The following KAZN variants were observed in gnomAD, a reference collection of about 807,000 sequenced individuals.
The protein encoded by KAZN is kazrin.
In KAZN, 40 loss-of-function variants were observed where a neutral mutation model predicts 87.4. The observed-to-expected ratio is 0.46, with a 90% CI of 0.36 to 0.60. KAZN has a LOEUF of 0.60. Ranked by LOEUF, KAZN falls within the 20% of genes least tolerant of loss-of-function variation. KAZN has a pLI of 0.00. For missense variants in KAZN, 898 were observed against 1,073.9 expected, an observed-to-expected ratio of 0.84 and a Z score of 2.29; for synonymous variants, 466 against 458.3, an observed-to-expected ratio of 1.02 and a Z score of -0.22.
intron 2 of KAZN, among the ~76,000 whole-genome samples, chr1:14,378,449 G>A (rs540769460): frequency 6.6e-6 from 1 of 152,300 alleles, no homozygotes; most frequent in South Asian, 2.1e-4. Context: ...CCCAGTTCCT[G>A]GTTTTAACTT....
intron 2 of KAZN, among the ~76,000 whole-genome samples, chr1:14,501,093 A>G (rs1670218253): frequency 2.8e-5 from 2 of 70,918 alleles, no homozygotes; most frequent in Admixed American, 1.2e-4. Flanking sequence ...ATAAATAAAT[A>G]AATAAATAAA....
At position 14,989,273 on chromosome 1, in the gene KAZN, C is replaced by T. The variant is rs561687670; in HGVS notation, c.418+28398C>T. Among the ~76,000 whole-genome samples, 7 of 152,264 alleles carry T rather than the reference C, an allele frequency of 4.6e-5. No homozygotes were observed. The South Asian group carries it at 6.2e-4, about 14-fold the overall frequency. ...GGTGGATCACTTGAGGTCAGGAGTT[C>T]GAGACCAGCCAGGCCAACATGGTGA... On this transcript the variant is annotated intron_variant, in intron 2 of 14. Coordinates refer to ENST00000376030, the MANE Select transcript of KAZN (RefSeq NM_201628.3).
At chr1:15,067,150 C>T (rs1277356064) in intron 8 of KAZN, 12 of 985,534 alleles carry the variant, frequency 1.2e-5, no homozygotes, top group Non-Finnish European at 1.4e-5. Flanking sequence ...GTGGGCCAGG[C>T]AGGTGTTGTT....
chr1:14,838,128 G>A (rs766525238), intron 1 of KAZN, among the ~76,000 whole-genome samples: 4 of 152,176 alleles, frequency 2.6e-5, no homozygotes, highest in East Asian at 1.9e-4. Context: ...CCTTGGGGCT[G>A]TACCCTCCGG....
intron 1 of KAZN, among the ~76,000 whole-genome samples, chr1:14,779,022 G>A (rs79504701): frequency 1.3e-3 from 198 of 152,226 alleles, no homozygotes; most frequent in Middle Eastern, 3.4e-3. Flanking sequence ...CTCCTTTTTC[G>A]TGAATCTGAA....
chr1:13,956,435 C>T (rs931757079), intron 1 of KAZN, among the ~76,000 whole-genome samples: 1 of 151,152 alleles, frequency 6.6e-6, no homozygotes, highest in African/African-American at 2.4e-5. Context: ...ATCTTTAATT[C>T]CTGCCTGTTC....
chr1:14,584,127 C>G (rs1452721640), intron 2 of KAZN, among the ~76,000 whole-genome samples: 1 of 152,192 alleles, frequency 6.6e-6, no homozygotes, highest in Non-Finnish European at 1.5e-5. Flanking sequence ...ACAAGTGCTC[C>G]TCCCCACTCC....
intron 1 of KAZN, among the ~76,000 whole-genome samples, chr1:14,029,750 G>A (rs1271916593): frequency 2.6e-5 from 4 of 151,220 alleles, no homozygotes; most frequent in Non-Finnish European, 5.9e-5. Context: ...CCCATTGCTT[G>A]TTTTTCTCAG....
chr1:15,101,964 A>G (rs952313873), intron 11 of KAZN, among the ~76,000 whole-genome samples, 190 bp downstream of exon 11: 1 of 152,166 alleles, frequency 6.6e-6, no homozygotes, highest in Non-Finnish European at 1.5e-5. Context: ...TCATCCAGCC[A>G]GCCAGCCAGT....
chr1:14,675,624 T>C (rs1200269033), intron 1 of KAZN, among the ~76,000 whole-genome samples: 1 of 152,154 alleles, frequency 6.6e-6, no homozygotes, highest in Non-Finnish European at 1.5e-5. Context: ...TTTTTTGGCA[T>C]GCCTATTACC....
At chr1:14,032,995 T>C (rs1382658422) in intron 1 of KAZN, among the ~76,000 whole-genome samples, 1 of 152,174 alleles carries the variant, frequency 6.6e-6, no homozygotes, top group Non-Finnish European at 1.5e-5. Flanking sequence ...ACTGAGCAAC[T>C]TGCAGGGTCA....
intron 1 of KAZN, among the ~76,000 whole-genome samples, chr1:14,926,048 A>G (rs1659135942): frequency 6.6e-6 from 1 of 152,210 alleles, no homozygotes; most frequent in South Asian, 2.1e-4. Context: ...ACCTTGCCTC[A>G]TTCACCATAA....
chr1:14,983,899 G>A (rs370638309), intron 2 of KAZN, among the ~76,000 whole-genome samples: 4 of 152,070 alleles, frequency 2.6e-5, no homozygotes, highest in East Asian at 1.9e-4. Flanking sequence ...CTGAGATCAC[G>A]CCATTGCACT....
At chr1:14,624,635 G>A (rs1678977538) in intron 1 of KAZN, among the ~76,000 whole-genome samples, 1 of 152,050 alleles carries the variant, frequency 6.6e-6, no homozygotes, top group Non-Finnish European at 1.5e-5. Flanking sequence ...CACCATGCAT[G>A]GCCCACACTG....
At chr1:14,500,732 C>G (rs1278112967) in intron 2 of KAZN, among the ~76,000 whole-genome samples, 1 of 151,898 alleles carries the variant, frequency 6.6e-6, no homozygotes, top group African/African-American at 2.4e-5. Context: ...TGACTTAAAC[C>G]AGGAATGAAA....
intron 1 of KAZN, among the ~76,000 whole-genome samples, chr1:14,039,604 A>G (rs1641712516): frequency 6.6e-6 from 1 of 152,180 alleles, no homozygotes; most frequent in Non-Finnish European, 1.5e-5. Flanking sequence ...ATCATGTTTT[A>G]TATTTAAAAC....
At chr1:14,049,018 A>G (rs1410478401) in intron 1 of KAZN, among the ~76,000 whole-genome samples, 1 of 152,216 alleles carries the variant, frequency 6.6e-6, no homozygotes, top group Non-Finnish European at 1.5e-5. Flanking sequence ...ATGCACACGT[A>G]TGTTTATTGC....
intron 1 of KAZN, among the ~76,000 whole-genome samples, chr1:14,941,032 C>T (rs944790551): frequency 2.0e-5 from 3 of 150,286 alleles, no homozygotes; most frequent in Non-Finnish European, 2.9e-5. Context: ...TCTCCTGCCT[C>T]GGCTTCCCAA....
rs1553181094 is a variant in KAZN at position 13,981,089 on chromosome 1, T to TATATATATATATATATATATATATA, written c.91+87333_91+87334insATATATATATATATATATATATATA. On this transcript the variant is annotated intron_variant, in intron 1 of 16. Transcript: ENST00000636203. ...TTGGAGAGGTATAAAAAATTACTCT[T>TATATATATATATATATATATATATA]TATATATATATATATATATATGTAT... Among the ~76,000 whole-genome samples the TATATATATATATATATATATATATA allele has an allele frequency of 9.0e-3, 568 of 62,986 alleles. 60 individuals are homozygous for TATATATATATATATATATATATATA. Among genetic ancestry groups the TATATATATATATATATATATATATA allele is most frequent in the South Asian group, 0.017 (35 of 2,068 alleles). 41.3% of individuals were successfully genotyped at this position (62,986 alleles called of 152,430 possible). A position where few individuals can be genotyped will look rare whatever the true frequency, so the allele number is the denominator to read the frequency against.
Sources: allele counts gnomAD v4.1 joint callset (sites outside exome capture counted in the v4.1 genomes callset), GRCh38; gene constraint gnomAD v4.1.1; transcripts MANE v1.5; gene names NCBI Gene and HGNC (gene_info 2026-07-23, HGNC 2026-07-21).